Variants in POGLUT3 observed in about 807,000 individuals in gnomAD.
POGLUT3 encodes KDEL (Lys-Asp-Glu-Leu) containing 2.
Under a neutral mutation model 54.3 loss-of-function variants are expected in POGLUT3, and 48 were observed. The observed-to-expected ratio is 0.88, with a 90% CI of 0.70 to 1.12. The LOEUF is 1.12. Among genes scored for constraint, POGLUT3 ranks in the 50% most tolerant of loss-of-function variants. POGLUT3 has a pLI of 0.00. For missense variants in POGLUT3, 629 were observed against 618.7 expected, an observed-to-expected ratio of 1.02 and a Z score of -0.18; for synonymous variants, 218 against 237.4, an observed-to-expected ratio of 0.92 and a Z score of 0.75.
Position 108,495,836 on chromosome 11 carries a change from G to A in POGLUT3, c.202+2329C>T, listed in dbSNP as rs553689395. On this transcript the variant is annotated intron_variant, in intron 1 of 7. Transcript: ENST00000323468. ...TTAAGTAGAGATGGAATCTTGCTAT[G>A]TTGCCCAGGCTGAGAAGTCTTTCTA... 4.6e-5 allele frequency among the ~76,000 whole-genome samples: 7 copies of A among 152,136 alleles called. No individual in the cohort carries two copies. In the East Asian group the frequency reaches 1.4e-3, roughly 29 times the overall value.
rs936727970 is a variant in POGLUT3 at position 108,491,117 on chromosome 11, C to T, written c.253G>A (p.Val85Ile). 3 of 1,614,080 alleles carry T rather than the reference C, an allele frequency of 1.9e-6. No homozygotes were observed. Among genetic ancestry groups the T allele is most frequent in the Middle Eastern group, 1.6e-4 (1 of 6,062 alleles). Residue 85 changes from valine to isoleucine, a missense_variant, in exon 2 of 8, where the codon GTC (valine) becomes ATC (isoleucine). By Grantham distance (29) the Val-to-Ile change is conservative (BLOSUM62 3). Coordinates refer to ENST00000323468, the MANE Select transcript of POGLUT3 (RefSeq NM_153705.5). ...AAAGGTTTAGGGACATGTATCCGGA[C>T]CAACTCTTTAGGTGAAAGAGATTTG... Reference protein sequence around the residue: ...VVKSLSPKELVRIHVPKPLDR... With the variant: ...VVKSLSPKELIRIHVPKPLDR...
chr11:108,491,117 C>A lies in POGLUT3; in HGVS notation c.253G>T (p.Val85Phe). 1 of 1,614,080 alleles carries A rather than the reference C, an allele frequency of 6.2e-7. No individual in the cohort carries two copies. Among genetic ancestry groups the A allele is most frequent in the Non-Finnish European group, 8.5e-7 (1 of 1,179,990 alleles). ...AAAGGTTTAGGGACATGTATCCGGA[C>A]CAACTCTTTAGGTGAAAGAGATTTG... ...VVKSLSPKEL[V>F]RIHVPKPLDR... Residue 85 changes from valine (V) to phenylalanine (F), a missense_variant, in exon 2 of 8, where the codon GTC (valine) becomes TTC (phenylalanine). Val to Phe is a conservative substitution (Grantham distance 50, BLOSUM62 -1). Transcript: ENST00000323468.
rs2135841668 is a variant in POGLUT3, at chr11:108,474,941, C to T, written c.1410G>A (p.Glu470=). 6.2e-7 allele frequency: 1 copy of T among 1,613,992 alleles called. No individual in the cohort carries two copies. The highest frequency in any genetic ancestry group is 2.2e-5 in the East Asian group (1 of 44,876). ...GTACTTCGGGTTTGCTGGACTGGCG[C>T]TCGGCATATTTCTGAAACGTGGGTT... is the stretch of plus-strand genomic sequence containing the variant. ...YYYQVLQKYA[E]RQSSKPEVRD... Residue 470 remains glutamate (E), a synonymous_variant, in exon 8 of 8, where the codon GAG becomes GAA. Coordinates refer to ENST00000323468, the MANE Select transcript of POGLUT3 (RefSeq NM_153705.5).
At chr11:108,478,843 T>C (rs1321099528) in intron 6 of POGLUT3, among the ~76,000 whole-genome samples, 1 of 152,242 alleles carries the variant, frequency 6.6e-6, no homozygotes, top group Non-Finnish European at 1.5e-5. Context: ...ACTTTTCCTT[T>C]TAAAAAAGGA....
chr11:108,475,884 G>A (rs1157149638), intron 7 of POGLUT3, among the ~76,000 whole-genome samples: 5 of 152,098 alleles, frequency 3.3e-5, no homozygotes, highest in Admixed American at 2.0e-4. Context: ...ATATTTTAGA[G>A]AGAGAAATTC....
intron 1 of POGLUT3, among the ~76,000 whole-genome samples, chr11:108,495,292 TC>T (rs773344266): frequency 1.1e-4 from 17 of 152,278 alleles, no homozygotes; most frequent in Non-Finnish European, 2.1e-4. Context: ...CACCTCAGCC[TC>T]CCCAGTAGCT....
intron 3 of POGLUT3, among the ~76,000 whole-genome samples, chr11:108,482,479 C>T (rs1418505354): frequency 3.3e-5 from 5 of 152,058 alleles, no homozygotes; most frequent in South Asian, 2.1e-4. Context: ...TGAGGCTGGG[C>T]GTGGTGGCTC....
chr11:108,493,214 C>T (rs768062312), intron 1 of POGLUT3, among the ~76,000 whole-genome samples: 7 of 152,026 alleles, frequency 4.6e-5, no homozygotes, highest in African/African-American at 1.2e-4. Context: ...TATTTTTTGT[C>T]GCTGAAATAT....
chr11:108,498,384 T>G lies in POGLUT3; in HGVS notation c.-18A>C, dbSNP rs989480209. 10 of 1,276,402 alleles carry G rather than the reference T, an allele frequency of 7.8e-6. No homozygotes were observed. The highest frequency in any genetic ancestry group is 1.6e-5 in the African/African-American group (1 of 63,482). 79.1% of individuals were successfully genotyped at this position (1,276,402 alleles called of 1,614,324 possible). ...CGGCGCATGGTCGGCGGGGCACAAC[T>G]GCGGTCCAGCTCCGCGGCGGCGAGG... On this transcript the variant is annotated 5_prime_UTR_variant, in exon 1 of 8. Coordinates refer to ENST00000323468, the MANE Select transcript of POGLUT3 (RefSeq NM_153705.5).
intron 3 of POGLUT3, among the ~76,000 whole-genome samples, chr11:108,483,375 C>T (rs12223381): frequency 0.43 from 65,867 of 152,024 alleles, 14,520 homozygotes; most frequent in Middle Eastern, 0.66. Context: ...TTCTCATCCT[C>T]CAAGCCCAGA....
rs562795485 is a variant in POGLUT3 at position 108,477,669 on chromosome 11, A to G, written c.1336T>C (p.Leu446=). 57 of 1,613,640 alleles carry G rather than the reference A, an allele frequency of 3.5e-5. 1 individual carries two copies. In the South Asian group the frequency reaches 5.8e-4, roughly 16 times the overall value. ...EAKKIAKEGQ[L]MARDLLQPHR... is the part of the protein sequence containing the mutation. ...GGCTGTAGTAGGTCCCTAGCCATCAACTGTCCTTCTTTTGCAATCTTCTTG... is the reference window on the plus strand; with the variant it reads ...GGCTGTAGTAGGTCCCTAGCCATCAGCTGTCCTTCTTTTGCAATCTTCTTG... Residue 446 remains leucine (L), a synonymous_variant, in exon 7 of 8, where the codon TTG becomes CTG. Transcript: ENST00000323468.
chr11:108,488,357 G>C (rs2093607411), intron 2 of POGLUT3, among the ~76,000 whole-genome samples: 1 of 152,188 alleles, frequency 6.6e-6, no homozygotes, highest in Non-Finnish European at 1.5e-5. Flanking sequence ...CTAGGTATTA[G>C]GCAATGAAGG....
chr11:108,490,065 G>T (rs1354237710), intron 2 of POGLUT3, among the ~76,000 whole-genome samples: 1 of 151,962 alleles, frequency 6.6e-6, no homozygotes, highest in African/African-American at 2.4e-5. Context: ...TTTTTGTAGA[G>T]ATGGGTTTTT....
chr11:108,491,348 T>A, intron 1 of POGLUT3, 181 bp from the exon 2 acceptor site: 1 of 602,402 alleles, frequency 1.7e-6, no homozygotes, highest in Non-Finnish European at 2.9e-6. Flanking sequence ...GTTCATGCAT[T>A]CTTTTTTTTT....
intron 1 of POGLUT3, among the ~76,000 whole-genome samples, chr11:108,491,910 C>T (rs1198731331): frequency 6.6e-6 from 1 of 152,198 alleles, no homozygotes; most frequent in Non-Finnish European, 1.5e-5. Context: ...CGAACTTCCT[C>T]CTTATAAAAC....
chr11:108,478,235 A>G (rs1464125170), intron 6 of POGLUT3: 1 of 152,842 alleles, frequency 6.5e-6, no homozygotes, highest in African/African-American at 2.4e-5. Context: ...ATTTTCCTAG[A>G]CATCTCCGTT....
intron 7 of POGLUT3, 99 bp from the exon 8 acceptor site, chr11:108,475,051 T>A (rs535675817): frequency 1.3e-5 from 17 of 1,293,496 alleles, no homozygotes; most frequent in Non-Finnish European, 1.8e-5. Context: ...TCTTTTCTAG[T>A]TGCTGTGTGT....
chr11:108,474,188 G>T lies in POGLUT3; in HGVS notation c.*639C>A, dbSNP rs1353181200. On this transcript the variant is annotated 3_prime_UTR_variant, in exon 8 of 8. Transcript: ENST00000323468. ...CAATAAATATGTAAACAGTTTTGCA[G>T]AGGCTGATTTATATTTTAGCAAGTC... The T allele has an allele frequency of 2.0e-5, 3 of 152,174 alleles. No individual in the cohort carries two copies. Among genetic ancestry groups the T allele is most frequent in the African/African-American group, 7.2e-5 (3 of 41,434 alleles). The allele number at this position is 152,174 out of a possible 1,614,324, so 9.4% of individuals were successfully genotyped here.
intron 3 of POGLUT3, among the ~76,000 whole-genome samples, chr11:108,483,867 T>C (rs2135853563): frequency 6.6e-6 from 1 of 152,070 alleles, no homozygotes; most frequent in Non-Finnish European, 1.5e-5. Flanking sequence ...TGGGATTTCA[T>C]CTTGTTGGCC....
Sources: allele counts gnomAD v4.1 joint callset (sites outside exome capture counted in the v4.1 genomes callset), GRCh38; gene constraint gnomAD v4.1.1; transcripts MANE v1.5; gene names NCBI Gene and HGNC (gene_info 2026-07-23, HGNC 2026-07-21).